Variants in ADARB2 observed in about 807,000 individuals in gnomAD.
ADARB2 encodes adenosine deaminase RNA specific B2 (inactive), also known as inactive double-stranded RNA-specific editase B2.
A neutral mutation model predicts 62.2 loss-of-function variants in ADARB2; 25 were observed. The ratio of observed to expected loss-of-function variants is 0.40; its 90% CI spans 0.29 to 0.56. ADARB2 has a LOEUF of 0.56. Among genes scored for constraint, ADARB2 ranks in the 20% least tolerant of loss-of-function variants. The pLI is 0.43. For synonymous variants in ADARB2, 572 were observed against 500.8 expected, an observed-to-expected ratio of 1.14 and a Z score of -1.90; for missense variants, 1,071 against 1,077.4, an observed-to-expected ratio of 0.99 and a Z score of 0.08.
rs1015090035 is a variant in ADARB2 at position 1,464,170 on chromosome 10, C to T, written c.101-85010G>A. ...ACACACGCGCGGGGGGCAGTCACAGCGGGCAGTGCGCCGGAGAAGAGGGTG... is the reference window on the plus strand; with the variant it reads ...ACACACGCGCGGGGGGCAGTCACAGTGGGCAGTGCGCCGGAGAAGAGGGTG... On this transcript the variant is annotated intron_variant, in intron 1 of 9. Transcript: ENST00000381312. 1.2e-4 allele frequency among the ~76,000 whole-genome samples: 16 copies of T among 136,368 alleles called. No individual in the cohort carries two copies. The South Asian group carries it at 2.0e-3, about 17-fold the overall frequency. The allele number at this position is 136,368 out of a possible 152,430, so 89.5% of individuals were successfully genotyped here. A position where few individuals can be genotyped will look rare whatever the true frequency, so the allele number is the denominator to read the frequency against.
intron 1 of ADARB2, among the ~76,000 whole-genome samples, chr10:1,568,108 A>G (rs547277946): frequency 4.0e-4 from 61 of 152,358 alleles, no homozygotes; most frequent in African/African-American, 1.4e-3. Flanking sequence ...CCAGTGAGAG[A>G]CGGCGCAGTG....
chr10:1,253,347 T>A (rs1831052264), intron 4 of ADARB2, among the ~76,000 whole-genome samples: 1 of 152,196 alleles, frequency 6.6e-6, no homozygotes. Flanking sequence ...CACATGTTCT[T>A]GCAATGAGAA....
chr10:1,191,265 C>T (rs1388862385), intron 8 of ADARB2, among the ~76,000 whole-genome samples: 1 of 152,200 alleles, frequency 6.6e-6, no homozygotes, highest in African/African-American at 2.4e-5. Flanking sequence ...GGGTGGGGGG[C>T]CAGGGCTGCC....
intron 1 of ADARB2, among the ~76,000 whole-genome samples, chr10:1,479,361 A>T (rs556860785): frequency 3.7e-4 from 57 of 152,308 alleles, no homozygotes; most frequent in African/African-American, 1.2e-3. Flanking sequence ...CACGTGAATG[A>T]CAAGTTAGGG....
At chr10:1,718,251 T>G (rs921540588) in intron 1 of ADARB2, among the ~76,000 whole-genome samples, 1 of 152,226 alleles carries the variant, frequency 6.6e-6, no homozygotes, top group Admixed American at 6.5e-5. Context: ...TTGGTCGTAC[T>G]TTTTTGATTC....
At chr10:1,396,203 T>C (rs1195123076) in intron 1 of ADARB2, among the ~76,000 whole-genome samples, 1 of 152,102 alleles carries the variant, frequency 6.6e-6, no homozygotes, top group Admixed American at 6.5e-5. Flanking sequence ...GTACACGGGA[T>C]GGGTTTTATT....
At chr10:1,585,801 A>G (rs556445061) in intron 1 of ADARB2, among the ~76,000 whole-genome samples, 46 of 152,286 alleles carry the variant, frequency 3.0e-4, no homozygotes, top group South Asian at 1.9e-3. Flanking sequence ...TTGGGAGGCC[A>G]AGGTGGGCAG....
At chr10:1,696,708 G>A (rs140544826) in intron 1 of ADARB2, among the ~76,000 whole-genome samples, 2,831 of 152,262 alleles carry the variant, frequency 0.019, 48 homozygotes, top group Non-Finnish European at 0.027. Context: ...GAGCCTGGGT[G>A]GTAGCCTCCT....
intron 1 of ADARB2, among the ~76,000 whole-genome samples, chr10:1,666,518 G>A (rs1834318151): frequency 6.6e-6 from 1 of 152,204 alleles, no homozygotes; most frequent in African/African-American, 2.4e-5. Context: ...TCATGCACAC[G>A]CCGCTGCCAG....
At chr10:1,271,500 C>A (rs570297583) in intron 3 of ADARB2, among the ~76,000 whole-genome samples, 29 of 152,324 alleles carry the variant, frequency 1.9e-4, no homozygotes, top group African/African-American at 6.7e-4. Context: ...GCTCTTCTGG[C>A]AAAATGGCTG....
intron 1 of ADARB2, among the ~76,000 whole-genome samples, chr10:1,408,913 C>T (rs1048257325): frequency 1.2e-4 from 18 of 152,340 alleles, no homozygotes; most frequent in Middle Eastern, 3.4e-3. Flanking sequence ...GGCCGCGGCT[C>T]CTCACCCACT....
At chr10:1,337,120 T>A (rs1831981921) in intron 3 of ADARB2, among the ~76,000 whole-genome samples, 1 of 151,600 alleles carries the variant, frequency 6.6e-6, no homozygotes, top group Non-Finnish European at 1.5e-5. Context: ...AATGAACTTT[T>A]CCAAAGGTCA....
At chr10:1,543,136 C>G (rs565445860) in intron 1 of ADARB2, among the ~76,000 whole-genome samples, 1 of 152,206 alleles carries the variant, frequency 6.6e-6, no homozygotes, top group Non-Finnish European at 1.5e-5. Context: ...CTTCCCTGCT[C>G]TCCCTGCTCT....
intron 1 of ADARB2, among the ~76,000 whole-genome samples, chr10:1,723,423 C>T (rs183511772): frequency 1.9e-3 from 290 of 152,286 alleles, no homozygotes; most frequent in Non-Finnish European, 2.9e-3. Context: ...GGACCAGGCT[C>T]TGATTCAGGC....
rs1186772651 is a variant in ADARB2 at position 1,426,788 on chromosome 10, C to T, written c.101-47628G>A. On this transcript the variant is annotated intron_variant, in intron 1 of 9. Transcript: ENST00000381312. This position sits in a 1 kb window ranked among gnomAD's most constrained non-coding sequence, Gnocchi z 4.1. The stretch of plus-strand genomic sequence containing the variant: ...CCTGGTTGACTCCTGACGGCGCTTA[C>T]TCCACCACTGCATCCCTTCTATACC... 2.6e-5 allele frequency among the ~76,000 whole-genome samples: 4 copies of T among 152,240 alleles called. No individual in the cohort carries two copies. Among genetic ancestry groups the T allele is most frequent in the Non-Finnish European group, 5.9e-5 (4 of 68,042 alleles).
At chr10:1,220,045 GTGATGGTGGTGGTGGTGA>G (rs1830672595) in intron 6 of ADARB2, among the ~76,000 whole-genome samples, 1 of 138,474 alleles carries the variant, frequency 7.2e-6, no homozygotes, top group South Asian at 2.5e-4. Flanking sequence ...GATGGTAATG[GTGATGGTGGTGGTGGTGA>G]TGATGGTGAT....
At position 1,454,681 on chromosome 10, in the gene ADARB2, C is replaced by CA. The variant is rs1327612602; in HGVS notation, c.101-75522_101-75521insT. 3.9e-5 allele frequency among the ~76,000 whole-genome samples: 6 copies of CA among 152,030 alleles called. 1 individual carries two copies. The Middle Eastern group carries it at 0.017, about 431-fold the overall frequency. On this transcript the variant is annotated intron_variant, in intron 1 of 9. Transcript: ENST00000381312. ...TGGTTGCTGGGGCCGGGGAGGGTAA[C>CA]GGGCTTAATGTTTCGTGGAGACAGT...
intron 1 of ADARB2, among the ~76,000 whole-genome samples, chr10:1,663,468 C>A (rs1369760611): frequency 6.6e-6 from 1 of 152,118 alleles, no homozygotes; most frequent in Non-Finnish European, 1.5e-5. Context: ...CCCCTGGAAA[C>A]CATGAATCTT....
chr10:1,561,404 A>G (rs573961443), intron 1 of ADARB2, among the ~76,000 whole-genome samples: 1 of 152,174 alleles, frequency 6.6e-6, no homozygotes, highest in East Asian at 1.9e-4. Flanking sequence ...TTTGGAATTG[A>G]CTTCATACAG....
Sources: gnomAD v4.1 joint callset for allele counts (sites outside exome capture counted in the v4.1 genomes callset) on GRCh38, gnomAD v4.1.1 for gene constraint, Gnocchi (gnomAD v3.1) non-coding constraint, MANE v1.5 for transcripts, NCBI Gene and HGNC (gene_info 2026-07-23, HGNC 2026-07-21) for gene names.